The following TSHZ2 variants were observed in gnomAD, a reference collection of about 807,000 sequenced individuals.
The protein encoded by TSHZ2 is teashirt homolog 2.
TSHZ2 carries 21 observed loss-of-function variants against 74.4 expected under a neutral mutation model. The ratio of observed to expected loss-of-function variants is 0.28; its 90% CI spans 0.20 to 0.41. TSHZ2 has a LOEUF of 0.41. TSHZ2 is among the 10% of genes least tolerant of loss of function. The pLI is 1.00. For synonymous variants in TSHZ2, 540 were observed against 515.3 expected (o/e 1.05, Z -0.65); for missense variants, 1,244 against 1,293.5 (o/e 0.96, Z 0.59).
At chr20:53,436,555 T>A (rs1336216182) in intron 2 of TSHZ2, among the ~76,000 whole-genome samples, 2 of 139,530 alleles carry the variant, frequency 1.4e-5, no homozygotes, top group Admixed American at 1.4e-4. Flanking sequence ...ATTATTTTTT[T>A]TTTTTTTTTA....
chr20:53,324,018 T>A (rs1314782096), intron 2 of TSHZ2, among the ~76,000 whole-genome samples: 1 of 152,196 alleles, frequency 6.6e-6, no homozygotes, highest in Non-Finnish European at 1.5e-5. Context: ...GACGCCCTGT[T>A]CATCTGTACA....
rs1265941550 is a variant in TSHZ2, at chr20:53,469,683, AGGAC to A, written c.*9-17456_*9-17453del. 1.1e-4 allele frequency among the ~76,000 whole-genome samples: 9 copies of A among 82,598 alleles called. 1 individual carries two copies. Among genetic ancestry groups the A allele is most frequent in the Non-Finnish European group, 1.8e-4 (7 of 39,422 alleles). The allele number at this position is 82,598 out of a possible 152,430, so 54.2% of individuals were successfully genotyped here. On this transcript the variant is annotated intron_variant, in intron 2 of 2. Coordinates refer to ENST00000371497, the MANE Select transcript of TSHZ2 (RefSeq NM_173485.6). Reference sequence around the variant, plus strand: ...AAGGAAGGAAGGAAGGAAGGAAGGAAGGACGGACCCAAGAAAGATAGAGAAAGAG... The same window carrying A: ...AAGGAAGGAAGGAAGGAAGGAAGGAAGGACCCAAGAAAGATAGAGAAAGAG...
intron 1 of TSHZ2, among the ~76,000 whole-genome samples, chr20:53,175,306 A>G (rs1988310475): frequency 6.6e-6 from 1 of 151,358 alleles, no homozygotes; most frequent in Non-Finnish European, 1.5e-5. Context: ...ACGCCTGGCT[A>G]ATTTTTTGTA....
chr20:53,185,133 T>C (rs1403488914), intron 1 of TSHZ2: 5 of 937,044 alleles, frequency 5.3e-6, no homozygotes, highest in Non-Finnish European at 6.4e-6. Context: ...TTTCATCTTT[T>C]TATGACCCAG....
rs1309606074 is a variant in TSHZ2, at chr20:53,491,748, G to A, written c.*4613G>A. 1 of 152,180 alleles carries A rather than the reference G, an allele frequency of 6.6e-6. No individual in the cohort carries two copies. The highest frequency in any genetic ancestry group is 1.5e-5 in the Non-Finnish European group (1 of 68,022). 9.4% of individuals were successfully genotyped at this position (152,180 alleles called of 1,614,324 possible). A position where few individuals can be genotyped will look rare whatever the true frequency, so the allele number is the denominator to read the frequency against. On this transcript the variant is annotated 3_prime_UTR_variant, in exon 3 of 3. Transcript: ENST00000371497. The stretch of plus-strand genomic sequence containing the variant: ...GGACTGTTTTAAAATGCTAGTACCA[G>A]GTGGAACGCTATTTCTGCAACAGGA...
chr20:53,435,657 G>A (rs1314436311), intron 2 of TSHZ2, among the ~76,000 whole-genome samples: 2 of 152,148 alleles, frequency 1.3e-5, no homozygotes, highest in East Asian at 1.9e-4. Context: ...GGGATTACAG[G>A]CGCGTGTCAC....
Position 53,380,161 on chromosome 20 carries a change from T to TGC in TSHZ2, c.*9-106982_*9-106981insCG, listed in dbSNP as rs1420669096. 2.4e-4 allele frequency among the ~76,000 whole-genome samples: 35 copies of TGC among 145,624 alleles called. 1 individual carries two copies. Among genetic ancestry groups the TGC allele is most frequent in the African/African-American group, 8.1e-4 (29 of 35,734 alleles). On this transcript the variant is annotated intron_variant, in intron 2 of 2. Coordinates refer to ENST00000371497, the MANE Select transcript of TSHZ2 (RefSeq NM_173485.6). ...GAGAGTGTGTGTGTGTGTGTGTGTGTGTGCACACGCATGTGTGTTATAAAA... is the reference window on the plus strand; with the variant it reads ...GAGAGTGTGTGTGTGTGTGTGTGTGTGCGTGCACACGCATGTGTGTTATAAAA...
In TSHZ2 at chr20:53,452,665, T is replaced by C. The variant is rs370599277; in HGVS notation, c.*9-34479T>C. Among the ~76,000 whole-genome samples the C allele has an allele frequency of 5.2e-4, 78 of 151,304 alleles. No homozygotes were observed. In the Middle Eastern group the frequency reaches 0.011, roughly 21 times the overall value. ...TATCTCTCTGAGCCCACTGAGCCCATTGACTTCACATGCAAAATGGGGTTA... is the reference window on the plus strand; with the variant it reads ...TATCTCTCTGAGCCCACTGAGCCCACTGACTTCACATGCAAAATGGGGTTA... On this transcript the variant is annotated intron_variant, in intron 2 of 2. Transcript: ENST00000371497.
In TSHZ2 at chr20:53,255,971, T is replaced by G; in HGVS notation, c.2513T>G (p.Leu838Trp). The change falls in exon 2 of 3, where the codon TTG (leucine) becomes TGG (tryptophan). Residue 838 changes from leucine (L) to tryptophan (W), a missense_variant. Physicochemically the swap from Leu to Trp is moderately conservative, Grantham distance 61. Transcript: ENST00000371497. The surrounding 1 kb of genome is among the most constrained non-coding windows in gnomAD (Gnocchi z 4.1). The part of the protein sequence containing the change: ...FEDVSSEVST[L>W]HKRKGRQSNW... ...GATGTCTCCAGTGAAGTCTCAACTT[T>G]GCATAAAAGAAAAGGCCGGCAGTCC... The G allele has an allele frequency of 6.2e-7, 1 of 1,613,950 alleles. No individual in the cohort carries two copies. Among genetic ancestry groups the G allele is most frequent in the Non-Finnish European group, 8.5e-7 (1 of 1,179,876 alleles).
chr20:53,233,794 C>CA (rs1364798176), intron 1 of TSHZ2, among the ~76,000 whole-genome samples: 1 of 151,930 alleles, frequency 6.6e-6, no homozygotes, highest in East Asian at 1.9e-4. Flanking sequence ...TCAGTACTAA[C>CA]AAAAAAAGAA....
chr20:53,141,054 G>A (rs1051415007), intron 1 of TSHZ2, among the ~76,000 whole-genome samples: 1 of 152,186 alleles, frequency 6.6e-6, no homozygotes, highest in Non-Finnish European at 1.5e-5. Context: ...TAGGCGGTAT[G>A]GGAATATTTG....
chr20:53,470,847 T>C (rs1486213016), intron 2 of TSHZ2, among the ~76,000 whole-genome samples: 1 of 151,838 alleles, frequency 6.6e-6, no homozygotes, highest in Non-Finnish European at 1.5e-5. Context: ...TAAATATAGG[T>C]TTTTCTTTTT....
chr20:53,431,692 T>G (rs1353067654), intron 2 of TSHZ2, among the ~76,000 whole-genome samples: 1 of 152,106 alleles, frequency 6.6e-6, no homozygotes, highest in Non-Finnish European at 1.5e-5. Context: ...AAATCCATGG[T>G]GAAGGTGGAA....
intron 1 of TSHZ2, among the ~76,000 whole-genome samples, chr20:53,010,453 ACT>A (rs1982809463): frequency 1.3e-5 from 2 of 152,138 alleles, no homozygotes; most frequent in South Asian, 4.2e-4. Context: ...GGAAAACATG[ACT>A]CTGCTGTTCA....
At position 53,488,361 on chromosome 20, in the gene TSHZ2, A is replaced by G. The variant is rs1246430885; in HGVS notation, c.*1226A>G. 1.3e-5 allele frequency: 2 copies of G among 152,522 alleles called. No homozygotes were observed. The highest frequency in any genetic ancestry group is 2.9e-5 in the Non-Finnish European group (2 of 68,294). 9.4% of individuals were successfully genotyped at this position (152,522 alleles called of 1,614,324 possible). ...ACGTTATTATTAACGGGAATACTGT[A>G]TTACACAGATTAAAATCAGGTCCTA... On this transcript the variant is annotated 3_prime_UTR_variant, in exon 3 of 3. Coordinates refer to ENST00000371497, the MANE Select transcript of TSHZ2 (RefSeq NM_173485.6).
At chr20:53,202,876 G>A (rs1336636365) in intron 1 of TSHZ2, among the ~76,000 whole-genome samples, 3 of 152,106 alleles carry the variant, frequency 2.0e-5, no homozygotes, top group African/African-American at 7.2e-5. Context: ...GGGAGAGGCA[G>A]GGGTGCTTTT....
At chr20:53,082,273 CAT>C (rs1334329763) in intron 1 of TSHZ2, among the ~76,000 whole-genome samples, 3 of 152,318 alleles carry the variant, frequency 2.0e-5, no homozygotes, top group Admixed American at 6.5e-5. Flanking sequence ...ATTCTGCTCA[CAT>C]GTTAATAAAT....
rs1247196807 is a variant in TSHZ2 at position 53,493,241 on chromosome 20, G to A, written c.*6106G>A. ...AAAAATATGCTTGTAATTTTTTCCT[G>A]GTCATTCTCTTTCAATAGCTTATGA... On this transcript the variant is annotated 3_prime_UTR_variant, in exon 3 of 3. Coordinates refer to ENST00000371497, the MANE Select transcript of TSHZ2 (RefSeq NM_173485.6). The A allele has an allele frequency of 6.6e-6, 1 of 152,128 alleles. No homozygotes were observed. The highest frequency in any genetic ancestry group is 1.9e-4 in the East Asian group (1 of 5,190). 9.4% of individuals were successfully genotyped at this position (152,128 alleles called of 1,614,324 possible). A position where few individuals can be genotyped will look rare whatever the true frequency, so the allele number is the denominator to read the frequency against.
At chr20:52,994,669 A>G (rs1002606096) in intron 1 of TSHZ2, among the ~76,000 whole-genome samples, 4 of 152,144 alleles carry the variant, frequency 2.6e-5, no homozygotes, top group Admixed American at 6.5e-5. Context: ...TATCCTGCAC[A>G]TTAGCCCCTA....
Sources: allele counts gnomAD v4.1 joint callset (sites outside exome capture counted in the v4.1 genomes callset), GRCh38; gene constraint gnomAD v4.1.1; non-coding constraint Gnocchi (gnomAD v3.1); transcripts MANE v1.5; gene names NCBI Gene and HGNC (gene_info 2026-07-23, HGNC 2026-07-21).